ZSWIM5: variants seen among roughly 807,000 people sequenced by gnomAD.
ZSWIM5 encodes zinc finger SWIM-type containing 5, also known as zinc finger SWIM domain-containing protein 5.
Under a neutral mutation model 119.6 loss-of-function variants are expected in ZSWIM5, and 55 were observed. That is an observed-to-expected ratio of 0.46 (90% confidence interval 0.37 to 0.58). ZSWIM5 has a LOEUF of 0.58. Ranked by LOEUF, ZSWIM5 falls within the 20% of genes least tolerant of loss-of-function variation. The pLI is 0.00. For missense variants in ZSWIM5, 1,193 were observed against 1,512.8 expected (o/e 0.79, Z 3.51); for synonymous variants, 537 against 606.9 (o/e 0.88, Z 1.69).
chr1:45,051,112 A>G lies in ZSWIM5; in HGVS notation c.1394T>C (p.Ile465Thr), dbSNP rs1490489864. 6.2e-7 allele frequency: 1 copy of G among 1,614,120 alleles called. No individual in the cohort carries two copies. Among genetic ancestry groups the G allele is most frequent in the East Asian group, 2.2e-5 (1 of 44,874 alleles). Reference sequence around the variant, plus strand: ...GGCACTCTGGGGAAGTGCATTGGTGATGTTGGGCAGCTCATGTCCATAGTT... The same window carrying G: ...GGCACTCTGGGGAAGTGCATTGGTGGTGTTGGGCAGCTCATGTCCATAGTT... ...DGNYGHELPNITNALPQSAIH... is the reference protein window; with the variant it reads ...DGNYGHELPNTTNALPQSAIH... Residue 465 changes from isoleucine to threonine, a missense_variant, in exon 5 of 14, where the codon ATC becomes ACC. Transcript: ENST00000359600.
intron 1 of ZSWIM5, among the ~76,000 whole-genome samples, chr1:45,137,532 G>T (rs1315271393): frequency 6.6e-6 from 1 of 152,138 alleles, no homozygotes; most frequent in African/African-American, 2.4e-5. Context: ...TGGTGGACAG[G>T]GTAGGCCTGC....
chr1:45,019,316 C>A lies in ZSWIM5; in HGVS notation c.2696G>T (p.Gly899Val). 6.2e-7 allele frequency: 1 copy of A among 1,606,966 alleles called. No individual in the cohort carries two copies. Among genetic ancestry groups the A allele is most frequent in the Non-Finnish European group, 8.5e-7 (1 of 1,177,928 alleles). The part of the protein sequence containing the change: ...RWLVTCATEV[G>V]VRALVSILQS... ...CAAGATGCTCACCAGGGCCCGCACA[C>A]CTGTCAGGGGGAGCCTGAGCTCAGC... The change falls in exon 14 of 14, where the codon GGT (glycine) becomes GTT (valine). Residue 899 changes from glycine to valine, a missense_variant and splice_region_variant. Transcript: ENST00000359600. The surrounding 1 kb of genome is among the most constrained non-coding windows in gnomAD (Gnocchi z 5.0).
intron 1 of ZSWIM5, among the ~76,000 whole-genome samples, chr1:45,109,740 G>A (rs1256947491): frequency 9.8e-5 from 4 of 40,906 alleles, no homozygotes; most frequent in African/African-American, 4.6e-4. Context: ...GCTAGACTTC[G>A]TATGAAAAAA....
At chr1:45,110,228 T>C (rs1239429743) in intron 1 of ZSWIM5, among the ~76,000 whole-genome samples, 1 of 152,228 alleles carries the variant, frequency 6.6e-6, no homozygotes, top group Non-Finnish European at 1.5e-5. Context: ...TGAAGCTCAA[T>C]TTACCCTGGT....
chr1:45,135,912 G>A (rs1464837630), intron 1 of ZSWIM5, among the ~76,000 whole-genome samples: 1 of 151,894 alleles, frequency 6.6e-6, no homozygotes, highest in Non-Finnish European at 1.5e-5. Flanking sequence ...CCAGGCTGGA[G>A]TGCAGTGGTG....
intron 10 of ZSWIM5, 73 bp downstream of exon 10, chr1:45,035,615 A>C: frequency 6.4e-7 from 1 of 1,559,104 alleles, no homozygotes; most frequent in Non-Finnish European, 8.7e-7. Context: ...AAGAAAGTGA[A>C]ATAAGCAATG....
intron 6 of ZSWIM5, among the ~76,000 whole-genome samples, chr1:45,040,897 C>T (rs1645014476): frequency 1.3e-5 from 2 of 152,104 alleles, no homozygotes; most frequent in Non-Finnish European, 2.9e-5. Flanking sequence ...TCCTACATTT[C>T]CTGAAAACCT....
chr1:45,126,032 C>T (rs762248421), intron 1 of ZSWIM5, among the ~76,000 whole-genome samples: 1 of 151,870 alleles, frequency 6.6e-6, no homozygotes, highest in Non-Finnish European at 1.5e-5. Context: ...TGCACCGCTG[C>T]ACTCCAGCTT....
chr1:45,178,548 T>C (rs1433138078), intron 1 of ZSWIM5, among the ~76,000 whole-genome samples: 2 of 152,220 alleles, frequency 1.3e-5, no homozygotes. Context: ...TTTCCTATTC[T>C]GTATCATTAA....
At chr1:45,078,077 T>G (rs1004692884) in intron 2 of ZSWIM5, among the ~76,000 whole-genome samples, 1 of 152,210 alleles carries the variant, frequency 6.6e-6, no homozygotes, top group South Asian at 2.1e-4. Flanking sequence ...ATTAAGAGAT[T>G]AAAGCAAAGA....
intron 1 of ZSWIM5, among the ~76,000 whole-genome samples, chr1:45,188,988 TTGTTGC>T (rs1000335196): frequency 6.6e-6 from 1 of 152,222 alleles, no homozygotes; most frequent in African/African-American, 2.4e-5. Flanking sequence ...GTGACTTCTT[TTGTTGC>T]TAATTACCTT....
At chr1:45,083,969 G>A (rs532434309) in intron 2 of ZSWIM5, among the ~76,000 whole-genome samples, 2 of 152,270 alleles carry the variant, frequency 1.3e-5, no homozygotes, top group East Asian at 1.9e-4. Flanking sequence ...GAGTGCAGCG[G>A]TGCAATTTTG....
chr1:45,197,228 C>T (rs972631748), intron 1 of ZSWIM5, among the ~76,000 whole-genome samples: 20 of 152,204 alleles, frequency 1.3e-4, no homozygotes, highest in Admixed American at 6.5e-4. Context: ...ACAGCTGCAT[C>T]TTCCTGGTTT....
At chr1:45,064,524 T>C (rs181897784) in intron 2 of ZSWIM5, among the ~76,000 whole-genome samples, 1 of 152,304 alleles carries the variant, frequency 6.6e-6, no homozygotes, top group Admixed American at 6.5e-5. Context: ...ACAAATATAC[T>C]CCTTATCCTT....
In ZSWIM5 at chr1:45,019,983, G is replaced by A; in HGVS notation, c.2695+83C>T. ...CCTAAGATCTCATAGGAATATGAGA[G>A]CTCTAAGGATTGATTGTCCTGTCCC... is the stretch of plus-strand genomic sequence containing the variant. On this transcript the variant is annotated intron_variant, in intron 13 of 13. Coordinates refer to ENST00000359600, the MANE Select transcript of ZSWIM5 (RefSeq NM_020883.2). This position sits in a 1 kb window ranked among gnomAD's most constrained non-coding sequence, Gnocchi z 5.0. 1 of 1,176,972 alleles carries A rather than the reference G, an allele frequency of 8.5e-7. No individual in the cohort carries two copies. The highest frequency in any genetic ancestry group is 1.3e-5 in the South Asian group (1 of 78,044). The allele number at this position is 1,176,972 out of a possible 1,614,324, so 72.9% of individuals were successfully genotyped here.
At chr1:45,047,986 T>G (rs1412889296) in intron 5 of ZSWIM5, among the ~76,000 whole-genome samples, 4 of 152,104 alleles carry the variant, frequency 2.6e-5, no homozygotes, top group African/African-American at 9.7e-5. Flanking sequence ...GAGGACCCAC[T>G]TGAAATGAGT....
chr1:45,028,372 T>G (rs1644932531), intron 11 of ZSWIM5, among the ~76,000 whole-genome samples: 2 of 152,232 alleles, frequency 1.3e-5, no homozygotes, highest in Middle Eastern at 3.2e-3. Flanking sequence ...CATCTCTACT[T>G]TTAATCTATC....
chr1:45,175,089 T>C (rs1338937773), intron 1 of ZSWIM5, among the ~76,000 whole-genome samples: 1 of 152,112 alleles, frequency 6.6e-6, no homozygotes, highest in Non-Finnish European at 1.5e-5. Context: ...TCTCCTTCAA[T>C]CTGGAACCAC....
chr1:45,203,704 G>A (rs1249211788), intron 1 of ZSWIM5, among the ~76,000 whole-genome samples: 1 of 152,004 alleles, frequency 6.6e-6, no homozygotes, highest in Non-Finnish European at 1.5e-5. Flanking sequence ...TTAGGAGATG[G>A]GGGATGAGTC....
Sources: gnomAD v4.1 joint callset for allele counts (sites outside exome capture counted in the v4.1 genomes callset) on GRCh38, gnomAD v4.1.1 for gene constraint, Gnocchi (gnomAD v3.1) non-coding constraint, MANE v1.5 for transcripts, NCBI Gene and HGNC (gene_info 2026-07-23, HGNC 2026-07-21) for gene names.